The following WDR7 variants were observed in gnomAD, a reference collection of about 807,000 sequenced individuals.
WDR7 encodes the protein WD repeat-containing protein 7.
Under a neutral mutation model 169.4 loss-of-function variants are expected in WDR7, and 46 were observed. The ratio of observed to expected loss-of-function variants is 0.27; its 90% CI spans 0.21 to 0.35. The LOEUF (loss-of-function observed/expected upper bound fraction) is 0.35. WDR7 is among the 10% of genes least tolerant of loss of function. WDR7 has a pLI of 1.00. For synonymous variants in WDR7, 612 were observed against 666.8 expected (o/e 0.92, Z 1.27); for missense variants, 1,534 against 1,859.3 (o/e 0.83, Z 3.22).
At chr18:56,900,080 G>GTCTATATA (rs772841290) in intron 21 of WDR7, among the ~76,000 whole-genome samples, 1 of 30,208 alleles carries the variant, frequency 3.3e-5, no homozygotes, top group African/African-American at 6.1e-5. Flanking sequence ...GTGTGTGTGT[G>GTCTATATA]TGTATATATA....
chr18:56,807,452 A>G (rs2044794471), intron 19 of WDR7, among the ~76,000 whole-genome samples: 1 of 152,188 alleles, frequency 6.6e-6, no homozygotes, highest in Non-Finnish European at 1.5e-5. Context: ...GAAAAAATAC[A>G]TGCAGTAATT....
chr18:56,752,702 G>A (rs972114771), intron 14 of WDR7, among the ~76,000 whole-genome samples: 1 of 152,142 alleles, frequency 6.6e-6, no homozygotes, highest in Non-Finnish European at 1.5e-5. Flanking sequence ...CATTATTTAT[G>A]TATTTTAGGA....
intron 16 of WDR7, among the ~76,000 whole-genome samples, chr18:56,761,688 G>T (rs1427036544): frequency 6.6e-6 from 1 of 151,266 alleles, no homozygotes; most frequent in Non-Finnish European, 1.5e-5. Context: ...TATGTGTAGA[G>T]GTTTTATATA....
intron 25 of WDR7, among the ~76,000 whole-genome samples, chr18:56,950,147 A>G (rs1285621401): frequency 1.3e-5 from 2 of 152,248 alleles, no homozygotes; most frequent in African/African-American, 4.8e-5. Context: ...CTCCAAGACA[A>G]CCATGAGATT....
At chr18:56,969,045 G>A (rs1233489741) in intron 26 of WDR7, among the ~76,000 whole-genome samples, 1 of 152,038 alleles carries the variant, frequency 6.6e-6, no homozygotes, top group Non-Finnish European at 1.5e-5. Context: ...CTCCAGCCAG[G>A]GCCCTGCCTA....
In WDR7 at chr18:56,882,031, G is replaced by A. The variant is rs138510129; in HGVS notation, c.3526+1866G>A. On this transcript the variant is annotated intron_variant, in intron 21 of 27. Coordinates refer to ENST00000254442, the MANE Select transcript of WDR7 (RefSeq NM_015285.3). ...TCAAGTGTCTTGCGACCTGAGAACCGTTTCCCTTCTCCACCTGGGCACATT... is the reference window on the plus strand; with the variant it reads ...TCAAGTGTCTTGCGACCTGAGAACCATTTCCCTTCTCCACCTGGGCACATT... Among the ~76,000 whole-genome samples the A allele has an allele frequency of 4.6e-3, 693 of 152,284 alleles. 9 individuals carry two copies. The highest frequency in any genetic ancestry group is 0.016 in the African/African-American group (645 of 41,550).
At chr18:56,671,709 G>A (rs2025139566) in intron 1 of WDR7, among the ~76,000 whole-genome samples, 1 of 152,224 alleles carries the variant, frequency 6.6e-6, no homozygotes, top group Non-Finnish European at 1.5e-5. Context: ...AGGTTCTGAA[G>A]TCAGGCTGCC....
chr18:56,781,456 T>A (rs1271925839), intron 18 of WDR7, 77 bp from the exon 19 acceptor site: 9 of 1,355,646 alleles, frequency 6.6e-6, no homozygotes, highest in Non-Finnish European at 7.7e-6. Context: ...TATTTCATTA[T>A]AAATTTTCTA....
intron 17 of WDR7, among the ~76,000 whole-genome samples, 155 bp from the exon 18 acceptor site, chr18:56,779,276 C>A (rs1461665134): frequency 6.6e-6 from 1 of 152,138 alleles, no homozygotes; most frequent in East Asian, 1.9e-4. Context: ...TAGTATAATT[C>A]TTTGCACAAA....
chr18:56,688,629 T>C (rs1309944413), intron 7 of WDR7, among the ~76,000 whole-genome samples: 1 of 150,914 alleles, frequency 6.6e-6, no homozygotes, highest in Non-Finnish European at 1.5e-5. Context: ...CTTGGGAGAC[T>C]GAGGCAGAAT....
chr18:56,744,071 C>T (rs59131066), intron 14 of WDR7, among the ~76,000 whole-genome samples: 1 of 151,860 alleles, frequency 6.6e-6, no homozygotes, highest in East Asian at 1.9e-4. Flanking sequence ...AACCCCGTCT[C>T]TACTAAAAAT....
At chr18:56,849,341 T>C (rs2045609913) in intron 20 of WDR7, among the ~76,000 whole-genome samples, 1 of 152,226 alleles carries the variant, frequency 6.6e-6, no homozygotes, top group South Asian at 2.1e-4. Flanking sequence ...ATGGTTCTTT[T>C]GCATTCCTTA....
intron 22 of WDR7, among the ~76,000 whole-genome samples, chr18:56,933,529 A>G (rs1187471640): frequency 6.6e-6 from 1 of 152,228 alleles, no homozygotes; most frequent in Admixed American, 6.5e-5. Context: ...ACCATTATTA[A>G]TATTGAATAA....
intron 19 of WDR7, among the ~76,000 whole-genome samples, chr18:56,796,991 G>C (rs1394350620): frequency 6.6e-6 from 1 of 152,102 alleles, no homozygotes; most frequent in Non-Finnish European, 1.5e-5. Context: ...GACCTTTATA[G>C]TGGTCCATCA....
At chr18:56,876,475 T>C (rs983628772) in intron 20 of WDR7, among the ~76,000 whole-genome samples, 1 of 152,084 alleles carries the variant, frequency 6.6e-6, no homozygotes, top group Non-Finnish European at 1.5e-5. Flanking sequence ...AGTAATGAAA[T>C]AGAAATGTAA....
chr18:56,768,204 G>T (rs1262604632), intron 16 of WDR7, among the ~76,000 whole-genome samples: 1 of 152,124 alleles, frequency 6.6e-6, no homozygotes, highest in East Asian at 1.9e-4. Context: ...GCTTCTCTCA[G>T]AAAAGCATTG....
chr18:56,892,957 GTAAA>G, intron 21 of WDR7, among the ~76,000 whole-genome samples: 2 of 152,146 alleles, frequency 1.3e-5, no homozygotes, highest in African/African-American at 4.8e-5. Flanking sequence ...ATATTTATAA[GTAAA>G]AGCAAAATGA....
intron 14 of WDR7, among the ~76,000 whole-genome samples, chr18:56,747,214 G>A (rs929017142): frequency 6.6e-6 from 1 of 152,146 alleles, no homozygotes; most frequent in Non-Finnish European, 1.5e-5. Context: ...GGCAGATAGA[G>A]GAGGAACCTG....
intron 21 of WDR7, among the ~76,000 whole-genome samples, chr18:56,908,144 C>T (rs1388944945): frequency 6.6e-6 from 1 of 152,104 alleles, no homozygotes; most frequent in African/African-American, 2.4e-5. Flanking sequence ...CAGAATTGAT[C>T]TTGCTTTCAC....
Sources: gnomAD v4.1 joint callset for allele counts (sites outside exome capture counted in the v4.1 genomes callset) on GRCh38, gnomAD v4.1.1 for gene constraint, MANE v1.5 for transcripts, NCBI Gene and HGNC (gene_info 2026-07-23, HGNC 2026-07-21) for gene names.